The following GLI3 variants were observed in gnomAD, a reference collection of about 807,000 sequenced individuals.
GLI3 encodes GLI family zinc finger 3.
In GLI3, 20 loss-of-function variants were observed where a neutral mutation model predicts 100.8. The ratio of observed to expected loss-of-function variants is 0.20; its 90% CI spans 0.14 to 0.29. The LOEUF (loss-of-function observed/expected upper bound fraction) is 0.29, where lower values mean the gene tolerates loss of function less well. Ranked by LOEUF, GLI3 falls within the 10% of genes least tolerant of loss-of-function variation. GLI3 has a pLI of 1.00. For missense variants in GLI3, 2,040 were observed against 2,128.5 expected (o/e 0.96, Z 0.82); for synonymous variants, 938 against 860.5 (o/e 1.09, Z -1.58).
intron 10 of GLI3, among the ~76,000 whole-genome samples, chr7:41,997,914 T>C (rs545382340): frequency 5.3e-5 from 8 of 152,340 alleles, no homozygotes; most frequent in Admixed American, 4.6e-4. Flanking sequence ...ATTTTCTCAA[T>C]TTAGCTCTAA....
chr7:42,022,253 C>T lies in GLI3; in HGVS notation c.1497+1215G>A, dbSNP rs113042884. Reference sequence around the variant, plus strand: ...ACAGAGCTCAAAATCTGGCAACCTGCGTGCTTAACACTATAATGTAACTGC... The same window carrying T: ...ACAGAGCTCAAAATCTGGCAACCTGTGTGCTTAACACTATAATGTAACTGC... On this transcript the variant is annotated intron_variant, in intron 10 of 14. Transcript: ENST00000395925. Among the ~76,000 whole-genome samples, 414 of 152,260 alleles carry T rather than the reference C, an allele frequency of 2.7e-3. 6 individuals are homozygous for T. Among genetic ancestry groups the T allele is most frequent in the African/African-American group, 8.6e-3 (358 of 41,544 alleles).
chr7:42,231,409 A>C (rs1788693843), intron 1 of GLI3, among the ~76,000 whole-genome samples: 1 of 152,158 alleles, frequency 6.6e-6, no homozygotes, highest in Non-Finnish European at 1.5e-5. Context: ...TGGTCCACTT[A>C]CCCTATAAAC....
intron 4 of GLI3, among the ~76,000 whole-genome samples, chr7:42,075,578 T>A (rs1310827068): frequency 6.6e-6 from 1 of 152,238 alleles, no homozygotes; most frequent in Admixed American, 6.5e-5. Context: ...TGTAAATACT[T>A]ACTTGTGTTC....
rs755728706 is a variant in GLI3 at position 42,039,991 on chromosome 7, T to C, written c.1028+47A>G. On this transcript the variant is annotated intron_variant, in intron 7 of 14. Transcript: ENST00000395925. ...CATCACTACAGGTGCAAACAAGTGCTGACATTACATTTAAAAAACACATAA... is the reference window on the plus strand; with the variant it reads ...CATCACTACAGGTGCAAACAAGTGCCGACATTACATTTAAAAAACACATAA... The C allele has an allele frequency of 2.8e-6, 4 of 1,405,758 alleles. No homozygotes were observed. In the Admixed American group the frequency reaches 5.0e-5, roughly 18 times the overall value. The allele number at this position is 1,405,758 out of a possible 1,614,324, so 87.1% of individuals were successfully genotyped here.
intron 4 of GLI3, among the ~76,000 whole-genome samples, chr7:42,076,431 G>A (rs992427205): frequency 3.3e-5 from 5 of 152,186 alleles, no homozygotes; most frequent in East Asian, 1.9e-4. Flanking sequence ...ACCTAATGTC[G>A]ACCAAATACA....
At chr7:41,970,300 C>G (rs6463081) in intron 13 of GLI3, among the ~76,000 whole-genome samples, 139 of 152,132 alleles carry the variant, frequency 9.1e-4, no homozygotes, top group Non-Finnish European at 1.5e-3. Context: ...TTAAAGAAAA[C>G]TAGAAATGTA....
At chr7:42,252,792 T>C (rs761284625) in intron 1 of GLI3, among the ~76,000 whole-genome samples, 39 of 152,176 alleles carry the variant, frequency 2.6e-4, no homozygotes, top group Non-Finnish European at 4.6e-4. Flanking sequence ...TATAACAGAT[T>C]TTAGGCTTCA....
rs143912537 is a variant in GLI3 at position 42,211,079 on chromosome 7, CCAAA to C, written c.124+12047_124+12050del. Among the ~76,000 whole-genome samples, 630 of 152,116 alleles carry C rather than the reference CCAAA, an allele frequency of 4.1e-3. 8 individuals carry two copies. Among genetic ancestry groups the C allele is most frequent in the African/African-American group, 0.014 (599 of 41,510 alleles). The stretch of plus-strand genomic sequence containing the variant: ...TCCCTGAGTCATCCAGTTTTTTGGG[CCAAA>C]CAGATGGATAAAAATATTCTAATTT... On this transcript the variant is annotated intron_variant, in intron 2 of 14. Coordinates refer to ENST00000395925, the MANE Select transcript of GLI3 (RefSeq NM_000168.6).
chr7:42,068,091 C>T (rs781601008), intron 4 of GLI3, among the ~76,000 whole-genome samples: 10 of 152,380 alleles, frequency 6.6e-5, no homozygotes, highest in Non-Finnish European at 5.9e-5. Context: ...GTTCCTGCCA[C>T]TCTGACCATT....
intron 4 of GLI3, among the ~76,000 whole-genome samples, chr7:42,056,689 G>A (rs1281007627): frequency 6.6e-6 from 1 of 151,910 alleles, no homozygotes; most frequent in Non-Finnish European, 1.5e-5. Flanking sequence ...AGTGGCTCGT[G>A]CCTATAATCC....
chr7:42,130,409 C>T (rs1786246317), intron 3 of GLI3, among the ~76,000 whole-genome samples: 1 of 152,150 alleles, frequency 6.6e-6, no homozygotes, highest in Non-Finnish European at 1.5e-5. Flanking sequence ...TTGGAAGAAA[C>T]TTTTAGAAGG....
intron 3 of GLI3, among the ~76,000 whole-genome samples, chr7:42,097,493 C>G (rs1785365981): frequency 6.6e-6 from 1 of 152,128 alleles, no homozygotes; most frequent in East Asian, 1.9e-4. Flanking sequence ...ATGCCTGGGG[C>G]CTACCCCGGG....
intron 10 of GLI3, among the ~76,000 whole-genome samples, chr7:42,013,122 T>C (rs868209718): frequency 3.8e-4 from 58 of 152,222 alleles, no homozygotes; most frequent in African/African-American, 1.4e-3. Context: ...TTTTCCTGAT[T>C]AGAAAGACAT....
intron 2 of GLI3, among the ~76,000 whole-genome samples, chr7:42,188,371 G>C (rs1583633001): frequency 6.6e-6 from 1 of 152,172 alleles, no homozygotes; most frequent in Non-Finnish European, 1.5e-5. Context: ...CTGGTAAAGG[G>C]TAAGTTGAGT....
chr7:42,177,574 C>G (rs750853849), intron 2 of GLI3, among the ~76,000 whole-genome samples: 5 of 152,144 alleles, frequency 3.3e-5, no homozygotes, highest in Non-Finnish European at 7.3e-5. Flanking sequence ...AGCTCCAGTT[C>G]TACATTTCTA....
At chr7:41,968,859 T>C (rs1396403129) in intron 13 of GLI3, among the ~76,000 whole-genome samples, 1 of 152,200 alleles carries the variant, frequency 6.6e-6, no homozygotes, top group Non-Finnish European at 1.5e-5. Flanking sequence ...TTCTCCTTAG[T>C]GTACTCCCTA....
chr7:42,128,027 A>AAAAG (rs1562745782), intron 3 of GLI3, among the ~76,000 whole-genome samples: 4 of 146,884 alleles, frequency 2.7e-5, no homozygotes, highest in Admixed American at 7.1e-5. Flanking sequence ...TCAAAAAAAA[A>AAAAG]AAAAAGAAAA....
chr7:42,256,409 T>G (rs1004285807), intron 1 of GLI3, among the ~76,000 whole-genome samples: 3 of 152,166 alleles, frequency 2.0e-5, no homozygotes, highest in Non-Finnish European at 4.4e-5. Context: ...AGTTCTATAT[T>G]TTTAGCTCTT....
chr7:42,211,033 T>C (rs1050614784), intron 2 of GLI3, among the ~76,000 whole-genome samples: 4 of 152,242 alleles, frequency 2.6e-5, no homozygotes, highest in South Asian at 2.1e-4. Flanking sequence ...AACTGAGAGA[T>C]TTATAAGTAT....
Sources: allele counts gnomAD v4.1 joint callset (sites outside exome capture counted in the v4.1 genomes callset), GRCh38; gene constraint gnomAD v4.1.1; transcripts MANE v1.5; gene names NCBI Gene and HGNC (gene_info 2026-07-23, HGNC 2026-07-21).